The following KLF5 variants were observed in gnomAD, a reference collection of about 807,000 sequenced individuals.
KLF5 encodes the protein KLF transcription factor 5.
Under a neutral mutation model 36.9 loss-of-function variants are expected in KLF5, and 9 were observed. The ratio of observed to expected loss-of-function variants is 0.24; its 90% CI spans 0.15 to 0.43. The LOEUF (loss-of-function observed/expected upper bound fraction) is 0.43. Among genes scored for constraint, KLF5 ranks in the 20% least tolerant of loss-of-function variants. The pLI is 1.00. For missense variants in KLF5, 524 were observed against 599.5 expected (o/e 0.87, Z 1.31); for synonymous variants, 246 against 241.7 (o/e 1.02, Z -0.17).
chr13:73,064,821 C>T (rs188892025), intron 3 of KLF5, among the ~76,000 whole-genome samples: 2,938 of 152,230 alleles, frequency 0.019, 98 homozygotes, highest in African/African-American at 0.067. Flanking sequence ...GGATTACAGG[C>T]GTGAGCCACC....
chr13:73,071,658 C>T (rs1274954585), intron 3 of KLF5, among the ~76,000 whole-genome samples: 1 of 152,138 alleles, frequency 6.6e-6, no homozygotes, highest in Non-Finnish European at 1.5e-5. Context: ...GAGCCTATTT[C>T]AGAGACTAAA....
intron 3 of KLF5, 92 bp from the exon 4 acceptor site, chr13:73,075,616 A>ATTTTTTT: frequency 2.7e-6 from 3 of 1,103,558 alleles, no homozygotes; most frequent in Non-Finnish European, 3.8e-6. Context: ...CTTGGCCAAG[A>ATTTTTTT]TTTTTTTTTT....
rs1344013017 is a variant in KLF5 at position 73,071,852 on chromosome 13, C to A, written c.1196-3856C>A. Among the ~76,000 whole-genome samples the A allele has an allele frequency of 2.6e-5, 4 of 152,112 alleles. 1 individual carries two copies. The East Asian group carries it at 5.8e-4, about 22-fold the overall frequency. On this transcript the variant is annotated intron_variant, in intron 3 of 3. Coordinates refer to ENST00000377687, the MANE Select transcript of KLF5 (RefSeq NM_001730.5). ...TTGTTTAGGTTCGCAGAACAAGATACAAGATTTTAAGTTCTTTGAGGCCAG... is the reference window on the plus strand; with the variant it reads ...TTGTTTAGGTTCGCAGAACAAGATAAAAGATTTTAAGTTCTTTGAGGCCAG...
At chr13:73,061,344 A>C (rs1353952147) in intron 1 of KLF5, among the ~76,000 whole-genome samples, 1 of 152,220 alleles carries the variant, frequency 6.6e-6, no homozygotes, top group Non-Finnish European at 1.5e-5. Context: ...TAATATTTTT[A>C]TATTACTTTT....
intron 2 of KLF5, among the ~76,000 whole-genome samples, chr13:73,063,621 A>C (rs866135007): frequency 5.3e-5 from 8 of 152,236 alleles, no homozygotes; most frequent in Non-Finnish European, 1.0e-4. Context: ...TTTCCTGTTA[A>C]AGTGATACAT....
At chr13:73,068,818 C>T (rs1594396858) in intron 3 of KLF5, among the ~76,000 whole-genome samples, 1 of 151,656 alleles carries the variant, frequency 6.6e-6, no homozygotes, top group Admixed American at 6.6e-5. Flanking sequence ...TTTGGCTGGG[C>T]GCGGTGGCGG....
In KLF5 at chr13:73,075,709, T is replaced by C. The variant is rs1256547488; in HGVS notation, c.1197T>C (p.Gly399=). ...HLKAHLRTHT[G]EKPYKCTWEG... ...TACCTCCTTTGTTCGTTGTCACAGG[T>C]GAAAAGCCATACAAGTGTACCTGGG... The change falls in exon 4 of 4, where the codon GGT becomes GGC. Residue 399 remains glycine, a splice_region_variant and synonymous_variant. Transcript: ENST00000377687. 1.9e-6 allele frequency: 3 copies of C among 1,590,260 alleles called. No individual in the cohort carries two copies. The highest frequency in any genetic ancestry group is 2.6e-6 in the Non-Finnish European group (3 of 1,161,344).
Position 73,075,828 on chromosome 13 carries a change from A to T in KLF5, c.1316A>T (p.Asn439Ile). Residue 439 changes from asparagine (N) to isoleucine (I), a missense_variant, in exon 4 of 4, where the codon AAC becomes ATC. Asn to Ile is a moderately radical substitution (Grantham distance 149). Coordinates refer to ENST00000377687, the MANE Select transcript of KLF5 (RefSeq NM_001730.5). ...GAKPFQCGVC[N>I]RSFSRSDHLA... ...AAGCCCTTCCAGTGCGGGGTGTGCA[A>T]CCGCAGCTTCTCGCGCTCTGACCAC... 1 of 1,611,728 alleles carries T rather than the reference A, an allele frequency of 6.2e-7. No individual in the cohort carries two copies. Among genetic ancestry groups the T allele is most frequent in the Non-Finnish European group, 8.5e-7 (1 of 1,178,002 alleles).
At chr13:73,063,926 G>T in intron 3 of KLF5, 43 bp downstream of exon 3, 1 of 1,228,872 alleles carries the variant, frequency 8.1e-7, no homozygotes, top group East Asian at 2.4e-5. Flanking sequence ...TGTAAATAGT[G>T]TAAGTGGTAT....
At chr13:73,062,944 CAGTT>C (rs549147968) in intron 2 of KLF5, among the ~76,000 whole-genome samples, 1 of 150,288 alleles carries the variant, frequency 6.7e-6, no homozygotes, top group Non-Finnish European at 1.5e-5. Flanking sequence ...GTATGTAAAC[CAGTT>C]AGTTGTCTGT....
At position 73,076,083 on chromosome 13, in the gene KLF5, G is replaced by T; in HGVS notation, c.*197G>T. The T allele has an allele frequency of 4.4e-6, 2 of 449,862 alleles. No homozygotes were observed. Among genetic ancestry groups the T allele is most frequent in the Admixed American group, 3.8e-5 (1 of 26,200 alleles). 27.9% of individuals were successfully genotyped at this position (449,862 alleles called of 1,614,324 possible). ...AGTGTTTGGTCATTTTAAGAATCTG[G>T]AATGCTTGCTGTAATGTATATGGCT... On this transcript the variant is annotated 3_prime_UTR_variant, in exon 4 of 4. Transcript: ENST00000377687.
chr13:73,063,766 C>A, intron 2 of KLF5, 58 bp from the exon 3 acceptor site: 1 of 1,178,088 alleles, frequency 8.5e-7, no homozygotes, highest in Non-Finnish European at 1.3e-6. Flanking sequence ...ACTGAATCAT[C>A]AAATGTAAAG....
intron 3 of KLF5, among the ~76,000 whole-genome samples, chr13:73,066,244 A>G (rs1001547722): frequency 2.6e-5 from 4 of 151,428 alleles, no homozygotes; most frequent in African/African-American, 4.9e-5. Flanking sequence ...TTTTAAAATT[A>G]CCTGTTCTCT....
Position 73,062,066 on chromosome 13 carries a change from C to T in KLF5, c.467C>T (p.Pro156Leu), listed in dbSNP as rs756186956. 1.2e-6 allele frequency: 2 copies of T among 1,614,094 alleles called. No homozygotes were observed. Among genetic ancestry groups the T allele is most frequent in the Non-Finnish European group, 1.7e-6 (2 of 1,180,042 alleles). ...ACTGGCCTCTACAAATCCCAGAGAC[C>T]GTGCGTAACACACATCAAGACAGAA... Reference protein sequence around the residue: ...LRTGLYKSQRPCVTHIKTEPV... With the variant: ...LRTGLYKSQRLCVTHIKTEPV... The change falls in exon 2 of 4, where the codon CCG becomes CTG. Residue 156 changes from proline to leucine, a missense_variant. Around this residue, in one of 4 missense-constraint regions of KLF5, gnomAD observed 454 missense variants for 458.1 expected, o/e 0.99. Transcript: ENST00000377687.
At chr13:73,065,962 A>G (rs2044676568) in intron 3 of KLF5, among the ~76,000 whole-genome samples, 1 of 152,228 alleles carries the variant, frequency 6.6e-6, no homozygotes, top group African/African-American at 2.4e-5. Flanking sequence ...TTGTCTTAAC[A>G]ATGCTTGTAC....
At chr13:73,073,427 T>C (rs1020540760) in intron 3 of KLF5, among the ~76,000 whole-genome samples, 2 of 152,230 alleles carry the variant, frequency 1.3e-5, no homozygotes, top group African/African-American at 2.4e-5. Context: ...TTAGAAACTT[T>C]AATGGCTACC....
chr13:73,063,924 G>A (rs1465505981), intron 3 of KLF5, 41 bp downstream of exon 3: 10 of 1,243,872 alleles, frequency 8.0e-6, no homozygotes, highest in Non-Finnish European at 1.2e-5. Flanking sequence ...TGTGTAAATA[G>A]TGTAAGTGGT....
chr13:73,070,755 A>G (rs17285550), intron 3 of KLF5, among the ~76,000 whole-genome samples: 41,682 of 152,082 alleles, frequency 0.27, 6,408 homozygotes, highest in Non-Finnish European at 0.33. Context: ...ACCTAAGACA[A>G]TTTGTTTAAA....
upstream of KLF5, among the ~76,000 whole-genome samples, chr13:73,056,790 T>C (rs2044585775): frequency 6.6e-6 from 1 of 152,226 alleles, no homozygotes. Context: ...CAAAATGGAA[T>C]TTTAAAACCT....
Sources: gnomAD v4.1 joint callset for allele counts (sites outside exome capture counted in the v4.1 genomes callset) on GRCh38, gnomAD v4.1.1 for gene constraint, gnomAD v4.1.1 regional missense constraint, MANE v1.5 for transcripts, NCBI Gene and HGNC (gene_info 2026-07-23, HGNC 2026-07-21) for gene names.